Variants in DIAPH2 observed in about 807,000 individuals in gnomAD.
DIAPH2 encodes the protein diaphanous related formin 2.
A neutral mutation model predicts 92.7 loss-of-function variants in DIAPH2; 35 were observed. That is an observed-to-expected ratio of 0.38 (90% CI 0.29 to 0.50). The LOEUF is 0.50. Among genes scored for constraint, DIAPH2 ranks in the 20% least tolerant of loss-of-function variants. The pLI is 0.94. For missense variants in DIAPH2, 701 were observed against 819.5 expected, an observed-to-expected ratio of 0.86 and a Z score of 1.77; for synonymous variants, 301 against 280.4, an observed-to-expected ratio of 1.07 and a Z score of -0.73.
intron 4 of DIAPH2, among the ~76,000 whole-genome samples, chrX:96,863,731 A>G (rs1197404749): frequency 9.0e-6 from 1 of 111,116 alleles, no homozygotes; most frequent in East Asian, 2.8e-4. Context: ...CTCATTTTAA[A>G]TAATATTGAG....
intron 26 of DIAPH2, among the ~76,000 whole-genome samples, chrX:97,510,265 A>T (rs1488474074): frequency 9.0e-6 from 1 of 111,023 alleles, no homozygotes; most frequent in African/African-American, 3.3e-5. Flanking sequence ...GCCAGTGATG[A>T]TGAGCATTTT....
chrX:96,713,008 G>T (rs1461342027), intron 1 of DIAPH2, among the ~76,000 whole-genome samples: 1 of 110,737 alleles, frequency 9.0e-6, no homozygotes, highest in Non-Finnish European at 1.9e-5. Flanking sequence ...ATTTGTCTTG[G>T]AATTGGTCTG....
At chrX:97,567,823 T>G (rs1403168770) in intron 26 of DIAPH2, among the ~76,000 whole-genome samples, 1 of 111,270 alleles carries the variant, frequency 9.0e-6, no homozygotes, top group Non-Finnish European at 1.9e-5. Context: ...TTTCCTCATT[T>G]AAAAAACTGT....
chrX:97,382,939 G>C (rs2069564915), intron 24 of DIAPH2, among the ~76,000 whole-genome samples: 1 of 112,017 alleles, frequency 8.9e-6, no homozygotes, highest in African/African-American at 3.2e-5. Context: ...CAAACAGCTT[G>C]TACATGCTAT....
At chrX:96,685,853 T>C (rs1457554819) in intron 1 of DIAPH2, among the ~76,000 whole-genome samples, 1 of 111,798 alleles carries the variant, frequency 8.9e-6, no homozygotes, top group Non-Finnish European at 1.9e-5. Flanking sequence ...AGTCATACAG[T>C]ACTTCCACTT....
intron 21 of DIAPH2, among the ~76,000 whole-genome samples, chrX:97,128,340 C>T (rs1462452384): frequency 9.0e-6 from 1 of 110,905 alleles, no homozygotes; most frequent in Non-Finnish European, 1.9e-5. Flanking sequence ...ACTCTCATCG[C>T]CATTTTGGTT....
rs745592440 is a variant in DIAPH2 at position 96,875,944 on chromosome X, C to A, written c.448-5635C>A. ...TAATTAAACTAAAGAGCTTCTGCAC[C>A]GCAAAAGAAACTACCATCAGAGTGA... On this transcript the variant is annotated intron_variant, in intron 4 of 26. Coordinates refer to ENST00000324765, the MANE Select transcript of DIAPH2 (RefSeq NM_006729.5). Among the ~76,000 whole-genome samples, 105 of 110,234 alleles carry A rather than the reference C, an allele frequency of 9.5e-4. 1 individual carries two copies. Among genetic ancestry groups the A allele is most frequent in the African/African-American group, 1.7e-3 (51 of 30,366 alleles).
chrX:96,822,777 A>G (rs2064787216), intron 4 of DIAPH2, among the ~76,000 whole-genome samples: 1 of 112,599 alleles, frequency 8.9e-6, no homozygotes, highest in Admixed American at 9.4e-5. Flanking sequence ...TCAAGAACAT[A>G]GTATATACTA....
chrX:97,578,299 T>A (rs1413110814), intron 26 of DIAPH2, among the ~76,000 whole-genome samples: 1 of 108,421 alleles, frequency 9.2e-6, no homozygotes, highest in Non-Finnish European at 1.9e-5. Context: ...TAGGTATATC[T>A]CCCAATGCTA....
At chrX:96,860,293 A>AT (rs768350500) in intron 4 of DIAPH2, among the ~76,000 whole-genome samples, 3 of 112,286 alleles carry the variant, frequency 2.7e-5, no homozygotes, top group African/African-American at 9.7e-5. Context: ...CACTGCATAG[A>AT]ATGTGATGGA....
At chrX:97,042,528 G>T (rs1428932577) in intron 17 of DIAPH2, among the ~76,000 whole-genome samples, 1 of 111,670 alleles carries the variant, frequency 9.0e-6, no homozygotes, top group Admixed American at 9.5e-5. Flanking sequence ...TGAATGCTTG[G>T]TTTTTGAGTT....
chrX:96,847,842 C>A (rs934570314), intron 4 of DIAPH2, among the ~76,000 whole-genome samples: 3 of 110,545 alleles, frequency 2.7e-5, no homozygotes, highest in Non-Finnish European at 5.7e-5. Flanking sequence ...TCAAAGACCA[C>A]TCTTTAGAAA....
rs1306028616 is a variant in DIAPH2, at chrX:96,986,244, G to A, written c.2050+21037G>A. Among the ~76,000 whole-genome samples, 3 of 110,990 alleles carry A rather than the reference G, an allele frequency of 2.7e-5. No individual in the cohort carries two copies. The Admixed American group carries it at 2.9e-4, about 11-fold the overall frequency. ...CTTTTCTAATTTTTTGCACTTTCCA[G>A]TTTTGAATTAGAGTCAGGGATTATA... is the stretch of plus-strand genomic sequence containing the variant. On this transcript the variant is annotated intron_variant, in intron 17 of 26. Transcript: ENST00000324765.
chrX:97,389,497 C>T (rs1194979324), intron 25 of DIAPH2, among the ~76,000 whole-genome samples: 2 of 108,048 alleles, frequency 1.9e-5, no homozygotes, highest in African/African-American at 6.7e-5. Flanking sequence ...GGAGCCTATC[C>T]AGTTTTGTTC....
intron 26 of DIAPH2, among the ~76,000 whole-genome samples, chrX:97,448,355 G>C (rs2070330232): frequency 9.0e-6 from 1 of 111,682 alleles, no homozygotes; most frequent in Admixed American, 9.5e-5. Context: ...ATTTTGTTAT[G>C]GTATAAATGT....
chrX:97,353,782 T>C (rs974109055), intron 24 of DIAPH2, among the ~76,000 whole-genome samples: 3 of 111,212 alleles, frequency 2.7e-5, no homozygotes, highest in Non-Finnish European at 5.7e-5. Context: ...TCATAGCGTT[T>C]TATGCCATTA....
At position 96,787,542 on chromosome X, in the gene DIAPH2, G is replaced by T. The variant is rs753960083; in HGVS notation, c.447+29284G>T. Among the ~76,000 whole-genome samples the T allele has an allele frequency of 1.5e-3, 168 of 110,652 alleles. 1 individual carries two copies. Among genetic ancestry groups the T allele is most frequent in the African/African-American group, 5.3e-3 (163 of 30,527 alleles). ...CTTCTTTTCAATATAATGCCAAATA[G>T]AACTAAACATATCTTTCAATGTTGA... On this transcript the variant is annotated intron_variant, in intron 4 of 26. Coordinates refer to ENST00000324765, the MANE Select transcript of DIAPH2 (RefSeq NM_006729.5).
At chrX:96,891,904 T>C (rs1484286562) in intron 5 of DIAPH2, among the ~76,000 whole-genome samples, 1 of 112,328 alleles carries the variant, frequency 8.9e-6, no homozygotes, top group East Asian at 2.8e-4. Context: ...TCTTTTCAAG[T>C]TGATACATGT....
chrX:96,931,308 AAAAC>A (rs1462262888), intron 10 of DIAPH2, among the ~76,000 whole-genome samples: 1 of 111,954 alleles, frequency 8.9e-6, no homozygotes, highest in Non-Finnish European at 1.9e-5. Flanking sequence ...TTTCAGATCA[AAAAC>A]AATTTGTTTC....
Sources: allele counts gnomAD v4.1 joint callset (sites outside exome capture counted in the v4.1 genomes callset), GRCh38; gene constraint gnomAD v4.1.1; transcripts MANE v1.5; gene names NCBI Gene and HGNC (gene_info 2026-07-23, HGNC 2026-07-21).